The following ITGA1 variants were observed in gnomAD, a reference collection of about 807,000 sequenced individuals.
ITGA1 encodes integrin subunit alpha 1.
Under a neutral mutation model 145.9 loss-of-function variants are expected in ITGA1, and 85 were observed. That is an observed-to-expected ratio of 0.58 (90% CI 0.49 to 0.70). ITGA1 has a LOEUF of 0.70. Ranked by LOEUF, ITGA1 falls within the 30% of genes least tolerant of loss-of-function variation. ITGA1 has a pLI of 0.00. For synonymous variants in ITGA1, 520 were observed against 495.3 expected, an observed-to-expected ratio of 1.05 and a Z score of -0.66; for missense variants, 1,351 against 1,418.7, an observed-to-expected ratio of 0.95 and a Z score of 0.77.
chr5:52,947,376 C>A lies in ITGA1; in HGVS notation c.3410C>A (p.Pro1137Gln). The change falls in exon 28 of 29, where the codon CCG becomes CAG. Residue 1137 changes from proline (P) to glutamine (Q), a missense_variant. Coordinates refer to ENST00000282588, the MANE Select transcript of ITGA1 (RefSeq NM_181501.2). ...ATTCAAATATCCAAAGATGGGCTAC[C>A]GGGCAGAGTGCCATTATGGGTCATC... ...LAIQISKDGLPGRVPLWVILL... is the reference protein window; with the variant it reads ...LAIQISKDGLQGRVPLWVILL... The A allele has an allele frequency of 6.2e-7, 1 of 1,612,738 alleles. No individual in the cohort carries two copies. The highest frequency in any genetic ancestry group is 8.5e-7 in the Non-Finnish European group (1 of 1,178,972).
chr5:52,893,708 A>G lies in ITGA1; in HGVS notation c.958A>G (p.Thr320Ala). The change falls in exon 9 of 29, where the codon ACT becomes GCT. Residue 320 changes from threonine (T) to alanine (A), a missense_variant. Transcript: ENST00000282588. ...LGSYNRGNLSTEKFVEEIKSI... is the reference protein window; with the variant it reads ...LGSYNRGNLSAEKFVEEIKSI... ...CAGCTATAACCGAGGAAATTTAAGCACTGAAAAATTTGTGGAGGAAATAAA... is the reference window on the plus strand; with the variant it reads ...CAGCTATAACCGAGGAAATTTAAGCGCTGAAAAATTTGTGGAGGAAATAAA... 1 of 1,613,086 alleles carries G rather than the reference A, an allele frequency of 6.2e-7. No homozygotes were observed. Among genetic ancestry groups the G allele is most frequent in the East Asian group, 2.2e-5 (1 of 44,790 alleles).
chr5:52,906,961 G>C (rs1579710566), intron 12 of ITGA1, among the ~76,000 whole-genome samples: 1 of 152,194 alleles, frequency 6.6e-6, no homozygotes, highest in South Asian at 2.1e-4. Context: ...CTTCCAGGGT[G>C]TCTACAAAGG....
At chr5:52,856,294 T>G (rs1207005994) in intron 2 of ITGA1, among the ~76,000 whole-genome samples, 1 of 152,192 alleles carries the variant, frequency 6.6e-6, no homozygotes, top group African/African-American at 2.4e-5. Context: ...TGCCTTACAA[T>G]TCACAATAGC....
At chr5:52,825,486 T>C (rs2111711340) in intron 1 of ITGA1, among the ~76,000 whole-genome samples, 1 of 152,338 alleles carries the variant, frequency 6.6e-6, no homozygotes. Flanking sequence ...TTGTGATCAG[T>C]GGTGCCAGGA....
chr5:52,832,765 CTGTG>C (rs33977926), intron 1 of ITGA1, among the ~76,000 whole-genome samples: 881 of 86,708 alleles, frequency 0.01, 7 homozygotes, highest in African/African-American at 0.025. Flanking sequence ...ATATATAAAT[CTGTG>C]TGTGTGTGTG....
chr5:52,859,886 G>T (rs1749571494), intron 2 of ITGA1, among the ~76,000 whole-genome samples: 1 of 152,148 alleles, frequency 6.6e-6, no homozygotes, highest in Middle Eastern at 3.2e-3. Flanking sequence ...TGCTTGACCA[G>T]GGCATCTATT....
rs1748293521 is a variant in ITGA1 at position 52,794,108 on chromosome 5, C to T, written c.61+5694C>T. ...AATCAATTTTATCCAAACAGGAGAT[C>T]CCTATTAACAAGATAAGTAAGAGAT... On this transcript the variant is annotated intron_variant, in intron 1 of 28. Coordinates refer to ENST00000282588, the MANE Select transcript of ITGA1 (RefSeq NM_181501.2). Among the ~76,000 whole-genome samples, 4 of 151,998 alleles carry T rather than the reference C, an allele frequency of 2.6e-5. No homozygotes were observed. The South Asian group carries it at 6.2e-4, about 24-fold the overall frequency.
chr5:52,939,893 C>T lies in ITGA1; in HGVS notation c.3234C>T (p.Asp1078=), dbSNP rs750291059. 2 of 1,613,554 alleles carry T rather than the reference C, an allele frequency of 1.2e-6. No individual in the cohort carries two copies. The highest frequency in any genetic ancestry group is 2.7e-5 in the African/African-American group (2 of 74,922). The change falls in exon 26 of 29, where the codon GAC becomes GAT. Residue 1078 remains aspartate (D), a synonymous_variant. Coordinates refer to ENST00000282588, the MANE Select transcript of ITGA1 (RefSeq NM_181501.2). Reference sequence around the variant, plus strand: ...TCACATGTAATCTCACTTCTTCTGACATCAGCCAAGTCAATGTTTCGCTTA... The same window carrying T: ...TCACATGTAATCTCACTTCTTCTGATATCAGCCAAGTCAATGTTTCGCTTA... The part of the protein sequence containing the change: ...ATITCNLTSS[D]ISQVNVSLIL...
At chr5:52,810,012 C>T (rs534771280) in intron 1 of ITGA1, among the ~76,000 whole-genome samples, 4 of 147,586 alleles carry the variant, frequency 2.7e-5, no homozygotes, top group Admixed American at 2.0e-4. Context: ...GATTGTGGAA[C>T]CTTTGTATAA....
intron 1 of ITGA1, among the ~76,000 whole-genome samples, chr5:52,791,868 T>C (rs16880269): frequency 0.079 from 11,998 of 152,204 alleles, 1,580 homozygotes; most frequent in African/African-American, 0.27. Flanking sequence ...TTGTCCAAAG[T>C]TGAAGAACTA....
intron 1 of ITGA1, among the ~76,000 whole-genome samples, chr5:52,834,552 AAGAGAGAGAGAAAG>A: frequency 2.5e-5 from 1 of 39,562 alleles, no homozygotes; most frequent in African/African-American, 7.8e-5. Context: ...AAGAAAGAGA[AAGAGAGAGAGAAAG>A]AGAGAAGAAA....
Position 52,955,970 on chromosome 5 carries a change from C to T in ITGA1, c.*3519C>T, listed in dbSNP as rs538174193. The T allele has an allele frequency of 6.6e-6, 1 of 151,934 alleles. No homozygotes were observed. The highest frequency in any genetic ancestry group is 2.1e-4 in the South Asian group (1 of 4,820). The allele number at this position is 151,934 out of a possible 1,614,324, so 9.4% of individuals were successfully genotyped here. On this transcript the variant is annotated 3_prime_UTR_variant, in exon 29 of 29. Transcript: ENST00000282588. ...ATATATATATATATACACATACACT[C>T]ACATGCAGATATTTACATATATAGA...
At chr5:52,825,617 T>A (rs1748947900) in intron 1 of ITGA1, among the ~76,000 whole-genome samples, 1 of 151,926 alleles carries the variant, frequency 6.6e-6, no homozygotes, top group South Asian at 2.1e-4. Flanking sequence ...GGCACAAAAG[T>A]ATTGAAATTA....
At chr5:52,919,483 T>C (rs910298404) in intron 16 of ITGA1, among the ~76,000 whole-genome samples, 1 of 152,146 alleles carries the variant, frequency 6.6e-6, no homozygotes, top group African/African-American at 2.4e-5. Context: ...GGCAGCTTTT[T>C]AATGATGTTG....
At chr5:52,919,923 A>G (rs1480965538) in intron 16 of ITGA1, among the ~76,000 whole-genome samples, 1 of 152,130 alleles carries the variant, frequency 6.6e-6, no homozygotes, top group Non-Finnish European at 1.5e-5. Context: ...ATAAATAACT[A>G]AAGTATATTT....
chr5:52,871,238 C>G (rs1348843186), intron 6 of ITGA1, among the ~76,000 whole-genome samples: 2 of 151,934 alleles, frequency 1.3e-5, no homozygotes, highest in Non-Finnish European at 2.9e-5. Flanking sequence ...TTTTCCCAAC[C>G]TACAAATACA....
chr5:52,901,464 G>A (rs144140555), intron 11 of ITGA1, among the ~76,000 whole-genome samples: 26 of 152,268 alleles, frequency 1.7e-4, no homozygotes, highest in African/African-American at 5.5e-4. Flanking sequence ...AATAATAATA[G>A]TAGCTGACAT....
chr5:52,939,788 T>C (rs568408525), intron 25 of ITGA1, 52 bp from the exon 26 acceptor site: 7 of 1,313,058 alleles, frequency 5.3e-6, no homozygotes, highest in African/African-American at 2.9e-5. Flanking sequence ...TAAATATAGA[T>C]ATTTGATAAA....
chr5:52,861,618 C>A lies in ITGA1; in HGVS notation c.295+59C>A, dbSNP rs1749605854. On this transcript the variant is annotated intron_variant, in intron 3 of 28. Coordinates refer to ENST00000282588, the MANE Select transcript of ITGA1 (RefSeq NM_181501.2). Reference sequence around the variant, plus strand: ...AGGTGCGGTGAGTCACGCCTGTAATCCCCACACTTTAAGAGGTCAAGACAG... The same window carrying A: ...AGGTGCGGTGAGTCACGCCTGTAATACCCACACTTTAAGAGGTCAAGACAG... 3 of 980,956 alleles carry A rather than the reference C, an allele frequency of 3.1e-6. No homozygotes were observed. In the South Asian group the frequency reaches 4.0e-5, roughly 13 times the overall value. The allele number at this position is 980,956 out of a possible 1,614,324, so 60.8% of individuals were successfully genotyped here. A position where few individuals can be genotyped will look rare whatever the true frequency, so the allele number is the denominator to read the frequency against.
Sources: gnomAD v4.1 joint callset for allele counts (sites outside exome capture counted in the v4.1 genomes callset) on GRCh38, gnomAD v4.1.1 for gene constraint, MANE v1.5 for transcripts, NCBI Gene and HGNC (gene_info 2026-07-23, HGNC 2026-07-21) for gene names.